The following MACROD2 variants were observed in gnomAD, a reference collection of about 807,000 sequenced individuals.
MACROD2 encodes the protein mono-ADP ribosylhydrolase 2.
MACROD2 carries 36 observed loss-of-function variants against 70.4 expected under a neutral mutation model. The observed-to-expected ratio is 0.51, with a 90% CI of 0.39 to 0.68. MACROD2 has a LOEUF of 0.68. Ranked by LOEUF, MACROD2 falls within the 30% of genes least tolerant of loss-of-function variation. The probability of loss-of-function intolerance (pLI) is 0.00; values close to 1 mark genes in which losing one functional copy is unlikely to be tolerated. For synonymous variants in MACROD2, 172 were observed against 178.8 expected, an observed-to-expected ratio of 0.96 and a Z score of 0.30; for missense variants, 496 against 538.4, an observed-to-expected ratio of 0.92 and a Z score of 0.78.
At chr20:15,122,725 A>G (rs746826202) in intron 5 of MACROD2, among the ~76,000 whole-genome samples, 13 of 152,206 alleles carry the variant, frequency 8.5e-5, no homozygotes, top group Non-Finnish European at 1.8e-4. Flanking sequence ...GCAAGATAGC[A>G]CTTCACTCCA....
intron 5 of MACROD2, among the ~76,000 whole-genome samples, chr20:14,870,259 T>C (rs145484957): frequency 6.6e-6 from 1 of 152,306 alleles, no homozygotes; most frequent in African/African-American, 2.4e-5. Flanking sequence ...GCTCCATCCA[T>C]GTCTCTGCAA....
At chr20:14,180,202 C>T (rs1181015068) in intron 3 of MACROD2, among the ~76,000 whole-genome samples, 1 of 151,680 alleles carries the variant, frequency 6.6e-6, no homozygotes, top group East Asian at 1.9e-4. Context: ...AAGTAGCAGT[C>T]CTAGCGAGGG....
chr20:15,866,403 TATAA>T (rs371242430), intron 9 of MACROD2, among the ~76,000 whole-genome samples: 4 of 148,528 alleles, frequency 2.7e-5, no homozygotes, highest in Admixed American at 2.0e-4. Context: ...CTCTAAAAAA[TATAA>T]ATAAATAAAT....
chr20:16,007,022 T>C (rs754641332), intron 15 of MACROD2, among the ~76,000 whole-genome samples: 58 of 152,194 alleles, frequency 3.8e-4, no homozygotes, highest in Non-Finnish European at 6.5e-4. Flanking sequence ...GAAAATTCCT[T>C]GTAAAACATG....
At chr20:15,080,331 A>G (rs1028699955) in intron 5 of MACROD2, among the ~76,000 whole-genome samples, 1 of 152,124 alleles carries the variant, frequency 6.6e-6, no homozygotes, top group Admixed American at 6.6e-5. Context: ...GTCAGCGATG[A>G]GTTCCCTCTT....
chr20:14,708,411 A>G (rs947990384), intron 5 of MACROD2, among the ~76,000 whole-genome samples: 9 of 152,206 alleles, frequency 5.9e-5, no homozygotes, highest in Admixed American at 5.9e-4. Context: ...AACTTTGTTT[A>G]CAAAACTAGG....
intron 6 of MACROD2, among the ~76,000 whole-genome samples, chr20:15,243,177 C>T (rs1042652394): frequency 7.9e-5 from 12 of 152,134 alleles, no homozygotes; most frequent in African/African-American, 2.4e-4. Flanking sequence ...GGGCTGTCTT[C>T]TGGCAACATC....
intron 3 of MACROD2, among the ~76,000 whole-genome samples, chr20:14,273,191 A>T (rs2122363949): frequency 6.6e-6 from 1 of 152,284 alleles, no homozygotes; most frequent in African/African-American, 2.4e-5. Context: ...CAGAATGTAC[A>T]TTTTTTTCAG....
At chr20:15,797,708 C>A (rs1230751179) in intron 8 of MACROD2, among the ~76,000 whole-genome samples, 1 of 152,142 alleles carries the variant, frequency 6.6e-6, no homozygotes, top group African/African-American at 2.4e-5. Context: ...GATGTTGCAG[C>A]CTTAAAAATA....
chr20:14,929,885 G>A (rs985394308), intron 5 of MACROD2, among the ~76,000 whole-genome samples: 2 of 152,076 alleles, frequency 1.3e-5, no homozygotes, highest in African/African-American at 4.8e-5. Context: ...GAGTTTGCTG[G>A]GCGCGGTATC....
At chr20:15,503,016 A>AC (rs2047383215) in intron 8 of MACROD2, among the ~76,000 whole-genome samples, 1 of 152,206 alleles carries the variant, frequency 6.6e-6, no homozygotes, top group Admixed American at 6.5e-5. Flanking sequence ...AGAAAAAGGC[A>AC]CCCAGGGACT....
chr20:16,013,484 C>G (rs1030459012), intron 15 of MACROD2, among the ~76,000 whole-genome samples: 4 of 152,228 alleles, frequency 2.6e-5, no homozygotes, highest in East Asian at 3.9e-4. Flanking sequence ...GATTCTATAC[C>G]TCAGTGCATA....
At chr20:14,214,285 G>C (rs1234423879) in intron 3 of MACROD2, among the ~76,000 whole-genome samples, 44 of 152,068 alleles carry the variant, frequency 2.9e-4, no homozygotes, top group Non-Finnish European at 1.5e-5. Context: ...CAGGCTAAAA[G>C]GCATTAAAAG....
At chr20:15,049,731 T>C (rs1418462904) in intron 5 of MACROD2, among the ~76,000 whole-genome samples, 1 of 152,086 alleles carries the variant, frequency 6.6e-6, no homozygotes, top group African/African-American at 2.4e-5. Context: ...GCAGATCACC[T>C]GAGGTTAGGA....
intron 6 of MACROD2, among the ~76,000 whole-genome samples, chr20:15,289,150 T>A (rs2077519487): frequency 6.6e-6 from 1 of 152,046 alleles, no homozygotes; most frequent in South Asian, 2.1e-4. Flanking sequence ...TAATATGAAG[T>A]GGAAGAGGAG....
chr20:15,617,256 A>G (rs1021863858), intron 8 of MACROD2, among the ~76,000 whole-genome samples: 9 of 152,330 alleles, frequency 5.9e-5, no homozygotes, highest in African/African-American at 1.7e-4. Flanking sequence ...TCGACAGCAC[A>G]GGGACACAAC....
intron 8 of MACROD2, among the ~76,000 whole-genome samples, chr20:15,588,085 T>G (rs867333315): frequency 6.6e-6 from 1 of 152,192 alleles, no homozygotes; most frequent in Admixed American, 6.5e-5. Context: ...TCCAGGTGTT[T>G]CCATACATCT....
intron 4 of MACROD2, among the ~76,000 whole-genome samples, chr20:14,601,529 G>A (rs1052132022): frequency 2.6e-5 from 4 of 151,452 alleles, no homozygotes; most frequent in African/African-American, 9.8e-5. Flanking sequence ...GTCCAAAACA[G>A]TATTTTTTTT....
chr20:16,052,061 G>T lies in MACROD2; in HGVS notation c.*2185G>T, dbSNP rs1403659881. The T allele has an allele frequency of 2.0e-5, 3 of 152,186 alleles. No individual in the cohort carries two copies. Among genetic ancestry groups the T allele is most frequent in the Non-Finnish European group, 4.4e-5 (3 of 68,040 alleles). The allele number at this position is 152,186 out of a possible 1,614,324, so 9.4% of individuals were successfully genotyped here. ...GCCTAAAAATTCTAGAAGAATGAAA[G>T]TAATCTTTGTATCCAGGAAACTAAG... On this transcript the variant is annotated 3_prime_UTR_variant, in exon 18 of 18. Transcript: ENST00000684519.
Sources: allele counts gnomAD v4.1 joint callset (sites outside exome capture counted in the v4.1 genomes callset), GRCh38; gene constraint gnomAD v4.1.1; transcripts MANE v1.5; gene names NCBI Gene and HGNC (gene_info 2026-07-23, HGNC 2026-07-21).